The following KDM1B variants were observed in gnomAD, a reference collection of about 807,000 sequenced individuals.
The protein encoded by KDM1B is lysine-specific histone demethylase 2.
In KDM1B, 63 loss-of-function variants were observed where a neutral mutation model predicts 107.4. The ratio of observed to expected loss-of-function variants is 0.59; its 90% CI spans 0.48 to 0.72. The LOEUF (loss-of-function observed/expected upper bound fraction) is 0.72, where lower values mean the gene tolerates loss of function less well. Among genes scored for constraint, KDM1B ranks in the 30% least tolerant of loss-of-function variants. KDM1B has a pLI of 0.00. For synonymous variants in KDM1B, 363 were observed against 363.9 expected (o/e 1.00, Z 0.03); for missense variants, 749 against 1,020.8 (o/e 0.73, Z 3.63).
chr6:18,175,716 G>C (rs964541992), intron 7 of KDM1B, among the ~76,000 whole-genome samples: 1 of 152,080 alleles, frequency 6.6e-6, no homozygotes, highest in Non-Finnish European at 1.5e-5. Flanking sequence ...ACCATTTGTT[G>C]TAAAGAGTGT....
At chr6:18,168,962 T>A (rs893515078) in intron 6 of KDM1B, among the ~76,000 whole-genome samples, 1 of 151,756 alleles carries the variant, frequency 6.6e-6, no homozygotes, top group African/African-American at 2.4e-5. Flanking sequence ...ACCTCTGCCT[T>A]CTGGGTTCAA....
Position 18,197,525 on chromosome 6 carries a change from A to G in KDM1B, c.1147-62A>G. On this transcript the variant is annotated intron_variant, in intron 11 of 21. Transcript: ENST00000650836. This position sits in a 1 kb window ranked among gnomAD's most constrained non-coding sequence, Gnocchi z 4.5. ...CGAATTTGCTCTGCAGTTCCGGAAC[A>G]ACTAAAACAGGACGTTGTTATCATC... The G allele has an allele frequency of 7.6e-7, 1 of 1,313,374 alleles. No individual in the cohort carries two copies. The highest frequency in any genetic ancestry group is 1.1e-6 in the Non-Finnish European group (1 of 913,894). 81.4% of individuals were successfully genotyped at this position (1,313,374 alleles called of 1,614,324 possible).
rs974806930 is a variant in KDM1B, at chr6:18,192,168, A to G, written c.969+787A>G. 2.6e-5 allele frequency among the ~76,000 whole-genome samples: 4 copies of G among 152,198 alleles called. 1 individual carries two copies. The highest frequency in any genetic ancestry group is 2.0e-4 in the Admixed American group (3 of 15,274). On this transcript the variant is annotated intron_variant, in intron 10 of 21. Coordinates refer to ENST00000650836, the MANE Select transcript of KDM1B (RefSeq NM_001364614.2). Reference sequence around the variant, plus strand: ...TCCTAGCTACTTAGGAGGCTGAGACAGGAGGATGGCCTGAGCTTGGGAGGT... The same window carrying G: ...TCCTAGCTACTTAGGAGGCTGAGACGGGAGGATGGCCTGAGCTTGGGAGGT...
Position 18,197,064 on chromosome 6 carries a change from T to C in KDM1B, c.977T>C (p.Leu326Pro), listed in dbSNP as rs770770489. Reference sequence around the variant, plus strand: ...TTTTATTTCCAAACACAGGAAGCTCTTACTCCTCAGAAATGTATTCCTCAC... The same window carrying C: ...TTTTATTTCCAAACACAGGAAGCTCCTACTCCTCAGAAATGTATTCCTCAC... ...ALWYTNCKEA[L>P]TPQKCIPHII... Residue 326 changes from leucine to proline, a missense_variant, in exon 11 of 22, where the codon CTT (leucine) becomes CCT (proline). Coordinates refer to ENST00000650836, the MANE Select transcript of KDM1B (RefSeq NM_001364614.2). This position sits in a 1 kb window ranked among gnomAD's most constrained non-coding sequence, Gnocchi z 4.5. The C allele has an allele frequency of 1.2e-6, 2 of 1,606,198 alleles. No homozygotes were observed. The highest frequency in any genetic ancestry group is 1.7e-6 in the Non-Finnish European group (2 of 1,174,498).
chr6:18,199,884 C>A (rs911848096), intron 12 of KDM1B, among the ~76,000 whole-genome samples: 1 of 152,032 alleles, frequency 6.6e-6, no homozygotes, highest in African/African-American at 2.4e-5. Flanking sequence ...TTCATTAAAT[C>A]TTTTTGTTTT....
Position 18,201,593 on chromosome 6 carries a change from T to G in KDM1B, c.1467T>G (p.Ala489=), listed in dbSNP as rs1185661662. 6.4e-7 allele frequency: 1 copy of G among 1,550,684 alleles called. No homozygotes were observed. The highest frequency in any genetic ancestry group is 1.4e-5 in the African/African-American group (1 of 73,158). The change falls in exon 14 of 22, where the codon GCT becomes GCG. Residue 489 remains alanine, a synonymous_variant. Coordinates refer to ENST00000650836, the MANE Select transcript of KDM1B (RefSeq NM_001364614.2). The surrounding 1 kb of genome is among the most constrained non-coding windows in gnomAD (Gnocchi z 4.3). ...IDKRMDFHFN[A]LLDVVSEWRK... is the part of the protein sequence containing the mutation. ...AGCGCATGGATTTTCATTTTAATGC[T>G]CTCTTGGATGTTGTCTCTGAGTGGA...
At chr6:18,167,282 A>G (rs1007917144) in intron 6 of KDM1B, among the ~76,000 whole-genome samples, 6 of 151,592 alleles carry the variant, frequency 4.0e-5, no homozygotes, top group African/African-American at 1.2e-4. Flanking sequence ...GCTTGAACCC[A>G]GGAAGCGGAG....
At position 18,200,883 on chromosome 6, in the gene KDM1B, C is replaced by T. The variant is rs1432102917; in HGVS notation, c.1359+307C>T. ...AAATCCAGAATTCTCAATTAAATTT[C>T]ATTTTCAGATAAACAAGTAATTTTT... On this transcript the variant is annotated intron_variant, in intron 13 of 21. Transcript: ENST00000650836. This position sits in a 1 kb window ranked among gnomAD's most constrained non-coding sequence, Gnocchi z 4.3. Among the ~76,000 whole-genome samples, 1 of 152,120 alleles carries T rather than the reference C, an allele frequency of 6.6e-6. No homozygotes were observed. The highest frequency in any genetic ancestry group is 1.5e-5 in the Non-Finnish European group (1 of 68,030).
At chr6:18,198,004 C>T (rs181461271) in intron 12 of KDM1B, among the ~76,000 whole-genome samples, 10 of 151,418 alleles carry the variant, frequency 6.6e-5, no homozygotes, top group Admixed American at 5.3e-4. Flanking sequence ...CAGCTCACCG[C>T]AACCTCTGCC....
intron 7 of KDM1B, among the ~76,000 whole-genome samples, chr6:18,179,850 C>CTT (rs67156330): frequency 2.4e-3 from 23 of 9,642 alleles, no homozygotes; most frequent in African/African-American, 7.0e-3. Flanking sequence ...GTTTTTTTTC[C>CTT]TTTTTTTTTT....
chr6:18,164,780 G>C (rs748827544), intron 5 of KDM1B, among the ~76,000 whole-genome samples: 18 of 152,012 alleles, frequency 1.2e-4, no homozygotes, highest in Non-Finnish European at 2.1e-4. Context: ...TGAGTAGCTG[G>C]GATTACAGGT....
chr6:18,216,594 T>C (rs1281339032), intron 20 of KDM1B, among the ~76,000 whole-genome samples: 2 of 152,216 alleles, frequency 1.3e-5, no homozygotes, highest in Non-Finnish European at 2.9e-5. Flanking sequence ...TTTCAGTTAC[T>C]GTGGTCAACC....
Position 18,197,328 on chromosome 6 carries a change from C to A in KDM1B, c.1146+95C>A. 1 of 1,172,330 alleles carries A rather than the reference C, an allele frequency of 8.5e-7. No homozygotes were observed. The highest frequency in any genetic ancestry group is 1.2e-6 in the Non-Finnish European group (1 of 835,314). The allele number at this position is 1,172,330 out of a possible 1,614,324, so 72.6% of individuals were successfully genotyped here. ...AAATATAGTAAAAGCCACATTATCACCATAAAACTTAACAGAAGCAAGGCT... is the reference window on the plus strand; with the variant it reads ...AAATATAGTAAAAGCCACATTATCAACATAAAACTTAACAGAAGCAAGGCT... On this transcript the variant is annotated intron_variant, in intron 11 of 21. Coordinates refer to ENST00000650836, the MANE Select transcript of KDM1B (RefSeq NM_001364614.2). The surrounding 1 kb of genome is among the most constrained non-coding windows in gnomAD (Gnocchi z 4.5).
intron 21 of KDM1B, among the ~76,000 whole-genome samples, chr6:18,220,657 TGTC>T (rs990854611): frequency 6.6e-6 from 1 of 152,204 alleles, no homozygotes; most frequent in African/African-American, 2.4e-5. Flanking sequence ...AGACAACAAA[TGTC>T]AGCAGCTTCG....
At position 18,223,560 on chromosome 6, in the gene KDM1B, T is replaced by C. The variant is rs2151071962; in HGVS notation, c.*1568T>C. ...ATGTTAAGTTTGAAATGGTTAACAG[T>C]AAATTATTATGTTAGTTTCCAGGCA... On this transcript the variant is annotated 3_prime_UTR_variant, in exon 22 of 22. Transcript: ENST00000650836. 1 of 152,252 alleles carries C rather than the reference T, an allele frequency of 6.6e-6. No individual in the cohort carries two copies. The highest frequency in any genetic ancestry group is 1.9e-4 in the East Asian group (1 of 5,190). The allele number at this position is 152,252 out of a possible 1,614,324, so 9.4% of individuals were successfully genotyped here.
chr6:18,192,919 G>A (rs1029046927), intron 10 of KDM1B, among the ~76,000 whole-genome samples: 7 of 152,044 alleles, frequency 4.6e-5, no homozygotes, highest in East Asian at 1.9e-4. Flanking sequence ...CCGGCTGGGC[G>A]CGGTGGCTCA....
chr6:18,217,751 A>G lies in KDM1B; in HGVS notation c.2251A>G (p.Lys751Glu), dbSNP rs367680448. The G allele has an allele frequency of 1.1e-5, 18 of 1,611,936 alleles. No individual in the cohort carries two copies. The African/African-American group carries it at 1.5e-4, about 13-fold the overall frequency. The change falls in exon 21 of 22, where the codon AAG (lysine) becomes GAG (glutamate). Residue 751 changes from lysine (K) to glutamate (E), a missense_variant. By Grantham distance (56) the Lys-to-Glu change is moderately conservative. Transcript: ENST00000650836. ...GACATAGGAGGTCCCAGATCCCACA[A>G]AGTATTTTGTCACTCGGTGGAGCAC... is the stretch of plus-strand genomic sequence containing the variant. Reference protein sequence around the residue: ...FKEQEVPDPTKYFVTRWSTDP... With the variant: ...FKEQEVPDPTEYFVTRWSTDP...
chr6:18,199,798 A>T (rs961679816), intron 12 of KDM1B, among the ~76,000 whole-genome samples: 2 of 151,986 alleles, frequency 1.3e-5, no homozygotes, highest in African/African-American at 4.8e-5. Context: ...AGGAAAAATC[A>T]CCTAAAGAAG....
rs950135611 is a variant in KDM1B, at chr6:18,172,036, A to G, written c.534+557A>G. 2.0e-5 allele frequency among the ~76,000 whole-genome samples: 3 copies of G among 152,212 alleles called. No homozygotes were observed. Among genetic ancestry groups the G allele is most frequent in the Non-Finnish European group, 4.4e-5 (3 of 68,038 alleles). On this transcript the variant is annotated intron_variant, in intron 7 of 21. Transcript: ENST00000650836. The surrounding 1 kb of genome is among the most constrained non-coding windows in gnomAD (Gnocchi z 5.2). The stretch of plus-strand genomic sequence containing the variant: ...GTTTTTATATAATGATGTTGACACC[A>G]TAAATGCAGCTTCCCTAACTATAGT...
Sources: gnomAD v4.1 joint callset for allele counts (sites outside exome capture counted in the v4.1 genomes callset) on GRCh38, gnomAD v4.1.1 for gene constraint, Gnocchi (gnomAD v3.1) non-coding constraint, MANE v1.5 for transcripts, NCBI Gene and HGNC (gene_info 2026-07-23, HGNC 2026-07-21) for gene names.